Variants in GMDS observed in about 807,000 individuals in gnomAD.
GMDS encodes the protein GDP-mannose 4,6 dehydratase.
GMDS carries 20 observed loss-of-function variants against 49.9 expected under a neutral mutation model. The ratio of observed to expected loss-of-function variants is 0.40; its 90% CI spans 0.28 to 0.58. The LOEUF (loss-of-function observed/expected upper bound fraction) is 0.58. Among genes scored for constraint, GMDS ranks in the 20% least tolerant of loss-of-function variants. The pLI is 0.42. For synonymous variants in GMDS, 177 were observed against 178.6 expected, an observed-to-expected ratio of 0.99 and a Z score of 0.07; for missense variants, 362 against 481.4, an observed-to-expected ratio of 0.75 and a Z score of 2.32.
intron 7 of GMDS, among the ~76,000 whole-genome samples, chr6:1,922,805 G>A (rs113874616): frequency 0.011 from 1,700 of 152,258 alleles, 31 homozygotes; most frequent in African/African-American, 0.038. Context: ...GCTAGCTCCC[G>A]TCTCTGCTGA....
intron 4 of GMDS, 106 bp downstream of exon 4, chr6:2,115,665 A>G: frequency 1.5e-6 from 1 of 688,324 alleles, no homozygotes; most frequent in Admixed American, 2.1e-5. Flanking sequence ...TTCAACTTGA[A>G]GACTAAGACC....
intron 7 of GMDS, among the ~76,000 whole-genome samples, chr6:1,765,263 A>G (rs1290104930): frequency 6.6e-6 from 1 of 152,222 alleles, no homozygotes; most frequent in Non-Finnish European, 1.5e-5. Context: ...TTTCCTAATT[A>G]TCTTGGTCTA....
At chr6:1,643,405 G>A (rs927360657) in intron 9 of GMDS, among the ~76,000 whole-genome samples, 4 of 152,236 alleles carry the variant, frequency 2.6e-5, no homozygotes, top group Non-Finnish European at 4.4e-5. Context: ...CTCTGTTGCT[G>A]CAACTGTGCT....
chr6:2,191,339 A>G lies in GMDS; in HGVS notation c.102+53982T>C, dbSNP rs1779008444. 6.6e-6 allele frequency among the ~76,000 whole-genome samples: 1 copy of G among 152,118 alleles called. No homozygotes were observed. The highest frequency in any genetic ancestry group is 2.1e-4 in the South Asian group (1 of 4,836). Reference sequence around the variant, plus strand: ...GGGGAGCTCACAGTGATGTCCCTGGACACCAGCCCAGGCCCAGCAAGGACC... The same window carrying G: ...GGGGAGCTCACAGTGATGTCCCTGGGCACCAGCCCAGGCCCAGCAAGGACC... On this transcript the variant is annotated intron_variant, in intron 1 of 10. Coordinates refer to ENST00000380815, the MANE Select transcript of GMDS (RefSeq NM_001500.4). The surrounding 1 kb of genome is among the most constrained non-coding windows in gnomAD (Gnocchi z 4.6).
intron 1 of GMDS, among the ~76,000 whole-genome samples, chr6:2,178,403 G>A (rs1778378721): frequency 1.3e-5 from 2 of 152,274 alleles, no homozygotes; most frequent in South Asian, 4.1e-4. Flanking sequence ...GGAGGAAGAG[G>A]AGAAAGGGAA....
intron 1 of GMDS, among the ~76,000 whole-genome samples, chr6:2,211,941 T>A (rs1780080118): frequency 6.6e-6 from 1 of 152,248 alleles, no homozygotes. Context: ...TTTCACAGTT[T>A]CGTCACCTAA....
intron 7 of GMDS, among the ~76,000 whole-genome samples, chr6:1,923,629 A>G (rs76614004): frequency 0.034 from 5,129 of 152,052 alleles, 298 homozygotes; most frequent in African/African-American, 0.12. Context: ...CGGATCCCGC[A>G]CTCGCTCACT....
intron 9 of GMDS, among the ~76,000 whole-genome samples, chr6:1,694,536 A>G (rs1765274090): frequency 6.6e-6 from 1 of 152,218 alleles, no homozygotes; most frequent in Non-Finnish European, 1.5e-5. Context: ...TGCTTGTCAA[A>G]AAAATCAGTC....
At chr6:1,641,204 G>C (rs1763320703) in intron 9 of GMDS, among the ~76,000 whole-genome samples, 1 of 152,192 alleles carries the variant, frequency 6.6e-6, no homozygotes, top group Admixed American at 6.5e-5. Flanking sequence ...TCATTCAGGG[G>C]CTTCTGGGGC....
intron 9 of GMDS, among the ~76,000 whole-genome samples, chr6:1,699,938 G>A (rs1446100917): frequency 6.6e-6 from 1 of 152,220 alleles, no homozygotes; most frequent in Non-Finnish European, 1.5e-5. Context: ...GCTGGCCTAA[G>A]CCCTGGGGCT....
intron 1 of GMDS, among the ~76,000 whole-genome samples, chr6:2,179,859 A>G (rs1778441553): frequency 6.6e-6 from 1 of 151,738 alleles, no homozygotes; most frequent in Non-Finnish European, 1.5e-5. Context: ...GTGAGTCCAT[A>G]AGATCATACA....
chr6:1,978,772 G>A (rs1339299749), intron 4 of GMDS, among the ~76,000 whole-genome samples: 1 of 152,090 alleles, frequency 6.6e-6, no homozygotes, highest in East Asian at 1.9e-4. Flanking sequence ...TTTTTAAGTG[G>A]GTCTCTGATC....
At chr6:1,825,345 A>G (rs1771064357) in intron 7 of GMDS, among the ~76,000 whole-genome samples, 1 of 152,242 alleles carries the variant, frequency 6.6e-6, no homozygotes, top group Non-Finnish European at 1.5e-5. Flanking sequence ...ACCAAACCAA[A>G]TGCATTACAA....
intron 8 of GMDS, among the ~76,000 whole-genome samples, chr6:1,727,108 C>G (rs529469128): frequency 6.6e-6 from 1 of 152,132 alleles, no homozygotes; most frequent in Admixed American, 6.5e-5. Flanking sequence ...AAGTACAGAA[C>G]TAATTGTTTG....
At chr6:2,148,810 C>T (rs1005109187) in intron 1 of GMDS, among the ~76,000 whole-genome samples, 3 of 152,220 alleles carry the variant, frequency 2.0e-5, no homozygotes, top group Non-Finnish European at 4.4e-5. Flanking sequence ...GTTTAGGAAG[C>T]TGTGTTTCAT....
chr6:2,068,953 C>T (rs555989157), intron 4 of GMDS, among the ~76,000 whole-genome samples: 5 of 152,248 alleles, frequency 3.3e-5, no homozygotes, highest in East Asian at 3.9e-4. Flanking sequence ...CAGCCTGCAT[C>T]GCCAAGTCAA....
At chr6:1,771,535 A>C (rs1281966492) in intron 7 of GMDS, among the ~76,000 whole-genome samples, 1 of 152,244 alleles carries the variant, frequency 6.6e-6, no homozygotes, top group African/African-American at 2.4e-5. Context: ...TGGCTACAAT[A>C]GTGTGCACTG....
At position 1,971,928 on chromosome 6, in the gene GMDS, G is replaced by A. The variant is rs544394955; in HGVS notation, c.346-10962C>T. 8.7e-4 allele frequency among the ~76,000 whole-genome samples: 132 copies of A among 152,258 alleles called. 2 individuals carry two copies. Among genetic ancestry groups the A allele is most frequent in the African/African-American group, 3.1e-3 (127 of 41,542 alleles). On this transcript the variant is annotated intron_variant, in intron 4 of 10. Transcript: ENST00000380815. ...TTTCTAAGGACTCAGCCACTGCTCT[G>A]GAAGACTGACCGTGCTTTAACAACC...
intron 9 of GMDS, among the ~76,000 whole-genome samples, chr6:1,722,062 C>CTTTTTT (rs11356149): frequency 2.5e-5 from 2 of 80,234 alleles, no homozygotes; most frequent in African/African-American, 5.3e-5. Context: ...GCTATCACGT[C>CTTTTTT]TTTTTTTTTT....
Sources: gnomAD v4.1 joint callset for allele counts (sites outside exome capture counted in the v4.1 genomes callset) on GRCh38, gnomAD v4.1.1 for gene constraint, Gnocchi (gnomAD v3.1) non-coding constraint, MANE v1.5 for transcripts, NCBI Gene and HGNC (gene_info 2026-07-23, HGNC 2026-07-21) for gene names.